AATK: variants seen among roughly 807,000 people sequenced by gnomAD.
The protein encoded by AATK is lemur tail kinase 1, also known as serine/threonine-protein kinase LMTK1.
AATK carries 91 observed loss-of-function variants against 114.3 expected under a neutral mutation model. The observed-to-expected ratio is 0.80, with a 90% CI of 0.67 to 0.95. AATK has a LOEUF of 0.95. Among genes scored for constraint, AATK ranks in the 40% least tolerant of loss-of-function variants. AATK has a pLI of 0.00. For synonymous variants in AATK, 1,075 were observed against 916.5 expected (o/e 1.17, Z -3.12); for missense variants, 2,176 against 1,965.2 (o/e 1.11, Z -2.03).
chr17:81,118,355 A>C lies in AATK; in HGVS notation c.*47T>G. On this transcript the variant is annotated 3_prime_UTR_variant, in exon 14 of 14. Coordinates refer to ENST00000326724, the MANE Select transcript of AATK (RefSeq NM_001080395.3). ...GTCACCATCCTCGCTGCTGCCTGGCAGGGGCTCCGGTGACGCCAGCCTTGA... is the reference window on the plus strand; with the variant it reads ...GTCACCATCCTCGCTGCTGCCTGGCCGGGGCTCCGGTGACGCCAGCCTTGA... 6.4e-7 allele frequency: 1 copy of C among 1,565,708 alleles called. No individual in the cohort carries two copies. The highest frequency in any genetic ancestry group is 8.7e-7 in the Non-Finnish European group (1 of 1,154,292).
intron 13 of AATK, among the ~76,000 whole-genome samples, chr17:81,119,091 C>T (rs1370011911): frequency 2.0e-5 from 3 of 151,894 alleles, no homozygotes; most frequent in Non-Finnish European, 2.9e-5. Flanking sequence ...CGCAGGTCTG[C>T]GGGGTAGGGT....
At chr17:81,164,759 T>C (rs1363442396) in intron 1 of AATK, among the ~76,000 whole-genome samples, 2 of 152,142 alleles carry the variant, frequency 1.3e-5, no homozygotes, top group African/African-American at 2.4e-5. Flanking sequence ...ATTACAGCTG[T>C]TGCCGTGGCT....
intron 13 of AATK, 110 bp downstream of exon 13, chr17:81,119,270 G>T: frequency 3.3e-6 from 4 of 1,195,504 alleles, no homozygotes; most frequent in African/African-American, 1.6e-5. Context: ...GCGGAGCGGA[G>T]CGGAGCCGGG....
chr17:81,142,466 C>T (rs546514790), intron 1 of AATK, among the ~76,000 whole-genome samples: 123 of 151,412 alleles, frequency 8.1e-4, no homozygotes, highest in Non-Finnish European at 7.4e-5. Flanking sequence ...AGAGACAGGT[C>T]TCACTATGTT....
chr17:81,121,553 G>C lies in AATK; in HGVS notation c.2383C>G (p.Pro795Ala). 3 of 1,528,392 alleles carry C rather than the reference G, an allele frequency of 2.0e-6. No homozygotes were observed. In the South Asian group the frequency reaches 3.8e-5, roughly 20 times the overall value. The allele number at this position is 1,528,392 out of a possible 1,614,324, so 94.7% of individuals were successfully genotyped here. ...EAEGTTGPRLPLPSVPSPSQE... is the reference protein window; with the variant it reads ...EAEGTTGPRLALPSVPSPSQE... ...GATGGGGAGGGGACGGAAGGAAGGG[G>C]CAGGCGGGGTCCGGTAGTGCCCTCA... The change falls in exon 11 of 14, where the codon CCC (proline) becomes GCC (alanine). Residue 795 changes from proline (P) to alanine (A), a missense_variant. By Grantham distance (27) the Pro-to-Ala change is conservative. Transcript: ENST00000326724.
At position 81,121,868 on chromosome 17, in the gene AATK, T is replaced by C. The variant is rs2060703760; in HGVS notation, c.2068A>G (p.Ser690Gly). Residue 690 changes from serine to glycine, a missense_variant, in exon 11 of 14, where the codon AGC (serine) becomes GGC (glycine). Physicochemically the swap from Ser to Gly is moderately conservative, Grantham distance 56. Coordinates refer to ENST00000326724, the MANE Select transcript of AATK (RefSeq NM_001080395.3). ...GGGTCCCAGGACTCTGGACAGCGGCTGCCGCTGTTGTTGTTGGCTGACACG... is the reference window on the plus strand; with the variant it reads ...GGGTCCCAGGACTCTGGACAGCGGCCGCCGCTGTTGTTGTTGGCTGACACG... ...SNVSANNNSGSRCPESWDPVS... is the reference protein window; with the variant it reads ...SNVSANNNSGGRCPESWDPVS... 2 of 1,597,974 alleles carry C rather than the reference T, an allele frequency of 1.3e-6. No homozygotes were observed. The highest frequency in any genetic ancestry group is 4.5e-5 in the East Asian group (2 of 44,758).
chr17:81,128,823 G>A (rs998920030), intron 3 of AATK: 16 of 1,246,890 alleles, frequency 1.3e-5, no homozygotes, highest in Middle Eastern at 3.4e-4. Context: ...GGGATAGCCC[G>A]GCCAGGGACA....
At chr17:81,128,688 G>C (rs1333242938) in intron 3 of AATK, 139 bp from the exon 4 acceptor site, 3 of 1,471,634 alleles carry the variant, frequency 2.0e-6, no homozygotes, top group Non-Finnish European at 2.7e-6. Context: ...GGCAACCTTG[G>C]GGCCACCATC....
chr17:81,123,120 G>A (rs888826016), intron 10 of AATK, 74 bp downstream of exon 10: 5 of 1,364,712 alleles, frequency 3.7e-6, no homozygotes, highest in South Asian at 1.8e-5. Context: ...GGGTCAGGGT[G>A]AGCCGCCTCT....
chr17:81,124,578 C>T (rs2060768826), intron 9 of AATK, 149 bp downstream of exon 9: 5 of 1,399,922 alleles, frequency 3.6e-6, no homozygotes, highest in Admixed American at 2.4e-5. Context: ...GGGGTCGCCA[C>T]CCAACCAGCC....
At chr17:81,161,925 G>A (rs1567830886) in intron 1 of AATK, among the ~76,000 whole-genome samples, 1 of 152,134 alleles carries the variant, frequency 6.6e-6, no homozygotes. Flanking sequence ...GGGGCACTCG[G>A]GCCCACAGGG....
In AATK at chr17:81,120,682, C is replaced by A; in HGVS notation, c.3254G>T (p.Gly1085Val). ...GGGCCCAGGCCGCACCTTGGCTGGG[C>A]CTTGGGGCTCCGGAGGCTCTGGGAC... is the stretch of plus-strand genomic sequence containing the variant. ...GLVPEPPEPQ[G>V]PAKVRPGPSP... Residue 1085 changes from glycine (G) to valine (V), a missense_variant, in exon 11 of 14, where the codon GGC becomes GTC. This residue lies in a region of AATK where 1,701 missense variants were observed against 1,394.7 expected (regional missense o/e 1.22). Coordinates refer to ENST00000326724, the MANE Select transcript of AATK (RefSeq NM_001080395.3). 2.0e-6 allele frequency: 3 copies of A among 1,513,572 alleles called. No individual in the cohort carries two copies. Among genetic ancestry groups the A allele is most frequent in the Admixed American group, 2.3e-5 (1 of 44,178 alleles). The allele number at this position is 1,513,572 out of a possible 1,614,324, so 93.8% of individuals were successfully genotyped here.
chr17:81,121,335 G>A lies in AATK; in HGVS notation c.2601C>T (p.Thr867=). 1 of 1,612,234 alleles carries A rather than the reference G, an allele frequency of 6.2e-7. No individual in the cohort carries two copies. The highest frequency in any genetic ancestry group is 8.5e-7 in the Non-Finnish European group (1 of 1,179,772). The change falls in exon 11 of 14, where the codon ACC becomes ACT. Residue 867 remains threonine, a synonymous_variant. Coordinates refer to ENST00000326724, the MANE Select transcript of AATK (RefSeq NM_001080395.3). ...SSEDEDTAEA[T]SGIFTDTSSD... is the part of the protein sequence containing the mutation. ...TGGACGTGTCGGTGAAGATGCCTGA[G>A]GTGGCCTCGGCCGTGTCCTCATCCT...
chr17:81,143,296 A>T (rs1050848177), intron 1 of AATK, among the ~76,000 whole-genome samples: 3 of 152,100 alleles, frequency 2.0e-5, no homozygotes, highest in African/African-American at 4.8e-5. Flanking sequence ...GTCCCAGGAC[A>T]CGTCACCTGA....
intron 1 of AATK, among the ~76,000 whole-genome samples, chr17:81,156,130 GTATGTTAC>G (rs2061360401): frequency 8.7e-5 from 2 of 23,034 alleles, no homozygotes; most frequent in Admixed American, 1.4e-3. Flanking sequence ...ATGTTACAAT[GTATGTTAC>G]TATGTTACAA....
At position 81,120,458 on chromosome 17, in the gene AATK, C is replaced by T. The variant is rs55793641; in HGVS notation, c.3478G>A (p.Glu1160Lys). Residue 1160 changes from glutamate to lysine, a missense_variant, in exon 11 of 14, where the codon GAG becomes AAG. This residue lies in a region of AATK where 1,701 missense variants were observed against 1,394.7 expected (regional missense o/e 1.22). Coordinates refer to ENST00000326724, the MANE Select transcript of AATK (RefSeq NM_001080395.3). ...LPAALEGRPE[E>K]EEEDSEDSDE... ...CTGTCCTCACTGTCCTCCTCCTCCTCCTCCGGCCGGCCCTCCAAGGCCGCA... is the reference window on the plus strand; with the variant it reads ...CTGTCCTCACTGTCCTCCTCCTCCTTCTCCGGCCGGCCCTCCAAGGCCGCA... The T allele has an allele frequency of 6.5e-7, 1 of 1,545,808 alleles. No homozygotes were observed. Among genetic ancestry groups the T allele is most frequent in the South Asian group, 1.2e-5 (1 of 82,958 alleles).
At chr17:81,152,395 G>A (rs1380379652) in intron 1 of AATK, among the ~76,000 whole-genome samples, 4 of 152,096 alleles carry the variant, frequency 2.6e-5, no homozygotes, top group Non-Finnish European at 5.9e-5. Flanking sequence ...TCACCCACCT[G>A]GACAACATAA....
intron 6 of AATK, among the ~76,000 whole-genome samples, chr17:81,127,174 C>G (rs1356147082): frequency 2.0e-5 from 3 of 151,808 alleles, no homozygotes; most frequent in Non-Finnish European, 2.9e-5. Context: ...TGGGCAGGCC[C>G]AGAACTCCAG....
chr17:81,125,337 G>A (rs772923460), intron 7 of AATK: 10 of 691,348 alleles, frequency 1.4e-5, no homozygotes, highest in South Asian at 1.1e-4. Flanking sequence ...ACCGGTCCAC[G>A]CTTCTCCAGG....
Sources: allele counts gnomAD v4.1 joint callset (sites outside exome capture counted in the v4.1 genomes callset), GRCh38; gene constraint gnomAD v4.1.1; regional missense constraint gnomAD v4.1.1; transcripts MANE v1.5; gene names NCBI Gene and HGNC (gene_info 2026-07-23, HGNC 2026-07-21).